SEPTIN3: variants seen among roughly 807,000 people sequenced by gnomAD.
SEPTIN3 encodes septin 3.
SEPTIN3 carries 15 observed loss-of-function variants against 45.1 expected under a neutral mutation model. The ratio of observed to expected loss-of-function variants is 0.33; its 90% CI spans 0.22 to 0.51. The LOEUF (loss-of-function observed/expected upper bound fraction) is 0.51, where lower values mean the gene tolerates loss of function less well. Ranked by LOEUF, SEPTIN3 falls within the 20% of genes least tolerant of loss-of-function variation. The pLI, the probability that SEPTIN3 is intolerant of heterozygous loss-of-function variation, is 0.97. For synonymous variants in SEPTIN3, 148 were observed against 164.8 expected, an observed-to-expected ratio of 0.90 and a Z score of 0.78; for missense variants, 289 against 457.2, an observed-to-expected ratio of 0.63 and a Z score of 3.35.
At chr22:41,987,843 G>C in intron 6 of SEPTIN3, 84 bp downstream of exon 6, 1 of 1,461,162 alleles carries the variant, frequency 6.8e-7, no homozygotes, top group African/African-American at 1.4e-5. Context: ...TCCATACGTT[G>C]ACTCAGCTAG....
intron 2 of SEPTIN3, chr22:41,981,400 C>T (rs1368737467): frequency 2.2e-6 from 1 of 453,244 alleles, no homozygotes. Context: ...TGCCCAGCAA[C>T]CAGAGAACCT....
At chr22:41,992,966 G>A (rs987623746) in intron 9 of SEPTIN3, among the ~76,000 whole-genome samples, 1 of 152,174 alleles carries the variant, frequency 6.6e-6, no homozygotes, top group African/African-American at 2.4e-5. Flanking sequence ...CACCTGACTG[G>A]GTGGCACTGA....
At position 41,981,667 on chromosome 22, in the gene SEPTIN3, C is replaced by T. The variant is rs746690527; in HGVS notation, c.1527C>T (p.Asp509=). ...EYKGLPETRT[D]AAMSELVPEP... ...CAGGGCTCCCAGAGACCAGGACGGA[C>T]GCAGCCATGTCAGAGCTGGTGCCTG... Residue 509 remains aspartate (D), a synonymous_variant, in exon 3 of 12, where the codon GAC becomes GAT. Coordinates refer to ENST00000644076, the MANE Select transcript of SEPTIN3 (RefSeq NM_001363845.2). The T allele has an allele frequency of 1.6e-5, 26 of 1,613,450 alleles. No homozygotes were observed. The highest frequency in any genetic ancestry group is 6.7e-5 in the East Asian group (3 of 44,874).
At chr22:41,996,628 C>A (rs540313277) in intron 11 of SEPTIN3, 5 of 1,209,780 alleles carry the variant, frequency 4.1e-6, no homozygotes, top group Middle Eastern at 3.1e-4. Flanking sequence ...GGGTAGGCAC[C>A]TGTCAGGACA....
At chr22:41,978,445 T>TCTATC in intron 2 of SEPTIN3, among the ~76,000 whole-genome samples, 1 of 152,184 alleles carries the variant, frequency 6.6e-6, no homozygotes, top group Non-Finnish European at 1.5e-5. Context: ...CAAGGTAGGT[T>TCTATC]CTATCCCCAG....
chr22:41,997,217 C>A lies in SEPTIN3; in HGVS notation c.*250C>A. ...CATCATCTGCGTCAGCCGGTCCTAG[C>A]CCATCTGCAGGGTGAAAGAACTCAT... On this transcript the variant is annotated 3_prime_UTR_variant, in exon 12 of 12. Transcript: ENST00000644076. 1.6e-6 allele frequency: 1 copy of A among 615,806 alleles called. No individual in the cohort carries two copies. Among genetic ancestry groups the A allele is most frequent in the Non-Finnish European group, 2.7e-6 (1 of 372,312 alleles). 38.1% of individuals were successfully genotyped at this position (615,806 alleles called of 1,614,324 possible).
intron 3 of SEPTIN3, 134 bp downstream of exon 3, chr22:41,981,970 G>A: frequency 3.6e-6 from 3 of 822,112 alleles, no homozygotes; most frequent in East Asian, 5.4e-5. Context: ...TCACCATGCT[G>A]ATCACAAAGG....
At chr22:41,975,059 T>A (rs1215521059) in intron 2 of SEPTIN3, among the ~76,000 whole-genome samples, 1 of 152,016 alleles carries the variant, frequency 6.6e-6, no homozygotes, top group Admixed American at 6.6e-5. Flanking sequence ...TGCTTAAAAG[T>A]TGTCTTACCT....
chr22:41,989,126 C>CAAAAA (rs71184854), intron 6 of SEPTIN3, among the ~76,000 whole-genome samples: 2 of 88,572 alleles, frequency 2.3e-5, no homozygotes, highest in South Asian at 4.6e-4. Flanking sequence ...GACCCTGTCT[C>CAAAAA]AAAAAAAAAA....
At chr22:41,990,511 A>T (rs1003093244) in intron 7 of SEPTIN3, among the ~76,000 whole-genome samples, 29 of 139,142 alleles carry the variant, frequency 2.1e-4, no homozygotes, top group African/African-American at 7.2e-4. Context: ...TTTGGGAGGC[A>T]GAGGCGGGTG....
At position 41,994,824 on chromosome 22, in the gene SEPTIN3, C is replaced by T. The variant is rs2078397709; in HGVS notation, c.2505+110C>T. 6 of 1,604,676 alleles carry T rather than the reference C, an allele frequency of 3.7e-6. No homozygotes were observed. The highest frequency in any genetic ancestry group is 3.3e-5 in the South Asian group (3 of 90,296). The stretch of plus-strand genomic sequence containing the variant: ...ACACATCCCAAATACCACCACCAAC[C>T]ACCTTCTTCCTCTCAACTCTGTCCC... On this transcript the variant is annotated intron_variant, in intron 11 of 11. Transcript: ENST00000644076. This position sits in a 1 kb window ranked among gnomAD's most constrained non-coding sequence, Gnocchi z 4.2.
intron 2 of SEPTIN3, among the ~76,000 whole-genome samples, chr22:41,980,908 G>A (rs772804146): frequency 5.7e-4 from 87 of 152,056 alleles, no homozygotes; most frequent in Non-Finnish European, 1.1e-3. Context: ...GGGTGTCTGG[G>A]CTCCTTCAGG....
rs1041254760 is a variant in SEPTIN3 at position 41,995,015 on chromosome 22, C to T, written c.2505+301C>T. ...GGAGAGTCCCTTGTAAGTTTGGCTC[C>T]TCCATGCCTGTCCATTATCTGTCTC... is the stretch of plus-strand genomic sequence containing the variant. On this transcript the variant is annotated intron_variant, in intron 11 of 11. Coordinates refer to ENST00000644076, the MANE Select transcript of SEPTIN3 (RefSeq NM_001363845.2). The T allele has an allele frequency of 7.9e-6, 10 of 1,261,182 alleles. No individual in the cohort carries two copies. In the African/African-American group the frequency reaches 1.5e-4, roughly 19 times the overall value. 78.1% of individuals were successfully genotyped at this position (1,261,182 alleles called of 1,614,324 possible).
intron 2 of SEPTIN3, chr22:41,977,181 C>T: frequency 8.9e-7 from 1 of 1,124,986 alleles, no homozygotes; most frequent in Non-Finnish European, 1.2e-6. Context: ...GAGGAGCCCA[C>T]GCGCGGTGAC....
In SEPTIN3 at chr22:41,983,616, C is replaced by T. The variant is rs574434701; in HGVS notation, c.1696+1780C>T. 5.3e-5 allele frequency among the ~76,000 whole-genome samples: 8 copies of T among 152,336 alleles called. No individual in the cohort carries two copies. In the East Asian group the frequency reaches 1.5e-3, roughly 29 times the overall value. On this transcript the variant is annotated intron_variant, in intron 3 of 11. Transcript: ENST00000644076. ...ACTCAGAAGAGGCAGTGCTCGTCCA[C>T]ATGCCATGCTCTCTCCTACCCTAGA...
intron 6 of SEPTIN3, among the ~76,000 whole-genome samples, chr22:41,988,375 A>T (rs928150436): frequency 3.3e-5 from 5 of 152,166 alleles, no homozygotes; most frequent in African/African-American, 1.2e-4. Context: ...GAACAGGCAG[A>T]GGATGGAGAT....
At chr22:41,992,034 T>C (rs1175608560) in intron 8 of SEPTIN3, among the ~76,000 whole-genome samples, 3 of 152,122 alleles carry the variant, frequency 2.0e-5, no homozygotes, top group Non-Finnish European at 2.9e-5. Flanking sequence ...CTCTATGAAA[T>C]GCAGGGGTTA....
In SEPTIN3 at chr22:41,978,071, C is replaced by G. The variant is rs550953179; in HGVS notation, c.1505-3574C>G. On this transcript the variant is annotated intron_variant, in intron 2 of 11. Coordinates refer to ENST00000644076, the MANE Select transcript of SEPTIN3 (RefSeq NM_001363845.2). ...CACCCTGCTGTGACCCGAGCTCTTC[C>G]CCACCCTTGGGGAGCCCCCCTCCAA... Among the ~76,000 whole-genome samples the G allele has an allele frequency of 2.0e-5, 3 of 152,298 alleles. No individual in the cohort carries two copies. The South Asian group carries it at 6.2e-4, about 32-fold the overall frequency.
chr22:41,989,780 C>T, intron 7 of SEPTIN3, 96 bp downstream of exon 7: 1 of 796,766 alleles, frequency 1.3e-6, no homozygotes. Flanking sequence ...TCTGCCTTCA[C>T]CCCCACCCTC....
Sources: gnomAD v4.1 joint callset for allele counts (sites outside exome capture counted in the v4.1 genomes callset) on GRCh38, gnomAD v4.1.1 for gene constraint, Gnocchi (gnomAD v3.1) non-coding constraint, MANE v1.5 for transcripts, NCBI Gene and HGNC (gene_info 2026-07-23, HGNC 2026-07-21) for gene names.